ARHGAP19: variants seen among roughly 807,000 people sequenced by gnomAD.
ARHGAP19 encodes the protein rho GTPase-activating protein 19.
A neutral mutation model predicts 60.9 loss-of-function variants in ARHGAP19; 48 were observed. The observed-to-expected ratio is 0.79, with a 90% CI of 0.62 to 1.00. ARHGAP19 has a LOEUF of 1.00. Ranked by LOEUF, ARHGAP19 falls within the 50% of genes least tolerant of loss-of-function variation. The probability of loss-of-function intolerance (pLI) is 0.00; values close to 1 mark genes in which losing one functional copy is unlikely to be tolerated. For synonymous variants in ARHGAP19, 209 were observed against 215.5 expected (o/e 0.97, Z 0.27); for missense variants, 562 against 597.2 (o/e 0.94, Z 0.61).
intron 8 of ARHGAP19, among the ~76,000 whole-genome samples, chr10:97,241,732 G>A (rs879848306): frequency 1.3e-4 from 19 of 149,306 alleles, no homozygotes; most frequent in Middle Eastern, 4.0e-3. Flanking sequence ...AAAATAGGCC[G>A]GGTGCAGTGG....
At chr10:97,271,648 C>G (rs1397177455) in intron 1 of ARHGAP19, among the ~76,000 whole-genome samples, 1 of 151,962 alleles carries the variant, frequency 6.6e-6, no homozygotes, top group Non-Finnish European at 1.5e-5. Context: ...AAATCAAATT[C>G]AGGTGGTATA....
In ARHGAP19 at chr10:97,288,294, C is replaced by A. The variant is rs542225121; in HGVS notation, c.56+4278G>T. 4.0e-5 allele frequency among the ~76,000 whole-genome samples: 6 copies of A among 151,868 alleles called. No individual in the cohort carries two copies. In the South Asian group the frequency reaches 1.2e-3, roughly 32 times the overall value. The stretch of plus-strand genomic sequence containing the variant: ...TCAACAGAACGTTAGAAAGATTAAT[C>A]CCTGCAGCCGGGAGTGGTGGCTCAC... On this transcript the variant is annotated intron_variant, in intron 1 of 11. Coordinates refer to ENST00000358531, the MANE Select transcript of ARHGAP19 (RefSeq NM_032900.6).
chr10:97,245,214 C>T (rs1842546117), intron 7 of ARHGAP19, among the ~76,000 whole-genome samples: 1 of 151,904 alleles, frequency 6.6e-6, no homozygotes. Flanking sequence ...GCCATGTTGC[C>T]CAAGCTGGTC....
intron 6 of ARHGAP19, among the ~76,000 whole-genome samples, chr10:97,249,082 C>A (rs1249659423): frequency 6.6e-6 from 1 of 151,980 alleles, no homozygotes; most frequent in Non-Finnish European, 1.5e-5. Flanking sequence ...AAATAAAAAT[C>A]CATGAGTTTA....
At chr10:97,232,691 A>AT in intron 9 of ARHGAP19, among the ~76,000 whole-genome samples, 1 of 152,278 alleles carries the variant, frequency 6.6e-6, no homozygotes, top group East Asian at 1.9e-4. Flanking sequence ...AATTCTAGAT[A>AT]TCTATAAATT....
intron 8 of ARHGAP19, among the ~76,000 whole-genome samples, chr10:97,243,610 AC>A (rs1842520560): frequency 6.6e-6 from 1 of 152,220 alleles, no homozygotes; most frequent in South Asian, 2.1e-4. Flanking sequence ...TGTTACTATT[AC>A]CATTTTACAA....
intron 10 of ARHGAP19, 91 bp from the exon 11 acceptor site, chr10:97,229,316 C>T: frequency 4.5e-6 from 5 of 1,101,076 alleles, no homozygotes; most frequent in Non-Finnish European, 6.9e-6. Context: ...TGTTCAATTT[C>T]AATGTGAAGA....
chr10:97,247,320 G>A (rs2134846818), intron 6 of ARHGAP19, among the ~76,000 whole-genome samples: 1 of 152,028 alleles, frequency 6.6e-6, no homozygotes, highest in East Asian at 1.9e-4. Flanking sequence ...AAAAAAGAAA[G>A]AAAGAAATAC....
chr10:97,289,218 G>A (rs766595539), intron 1 of ARHGAP19, among the ~76,000 whole-genome samples: 3 of 151,396 alleles, frequency 2.0e-5, no homozygotes, highest in Non-Finnish European at 4.4e-5. Flanking sequence ...AGGTTCAAGC[G>A]ATTCTCCTGT....
chr10:97,289,337 A>C (rs185290065), intron 1 of ARHGAP19, among the ~76,000 whole-genome samples: 1 of 151,804 alleles, frequency 6.6e-6, no homozygotes, highest in Admixed American at 6.6e-5. Flanking sequence ...GCTGATCTGG[A>C]ACTCCTGAGC....
chr10:97,272,961 C>T (rs1842978746), intron 1 of ARHGAP19, among the ~76,000 whole-genome samples: 4 of 151,846 alleles, frequency 2.6e-5, no homozygotes, highest in African/African-American at 9.7e-5. Flanking sequence ...CTGCCTCAGC[C>T]TCCCGAGTAG....
chr10:97,272,842 G>GTTT (rs1273537428), intron 1 of ARHGAP19, among the ~76,000 whole-genome samples: 3 of 125,600 alleles, frequency 2.4e-5, no homozygotes, highest in Non-Finnish European at 3.5e-5. Context: ...TATGTTTGTT[G>GTTT]TTTTTTTTTT....
chr10:97,266,189 T>C (rs1842897622), intron 1 of ARHGAP19, 64 bp from the exon 2 acceptor site: 2 of 1,575,278 alleles, frequency 1.3e-6, no homozygotes, highest in Non-Finnish European at 1.7e-6. Flanking sequence ...GCACTACTCA[T>C]TGGGTTATTT....
At chr10:97,267,770 T>C (rs1043758743) in intron 1 of ARHGAP19, among the ~76,000 whole-genome samples, 1 of 152,220 alleles carries the variant, frequency 6.6e-6, no homozygotes, top group African/African-American at 2.4e-5. Flanking sequence ...CTTTTAGCCA[T>C]AGCTGGGACC....
intron 9 of ARHGAP19, among the ~76,000 whole-genome samples, chr10:97,234,963 T>C (rs979226720): frequency 1.3e-5 from 2 of 152,182 alleles, no homozygotes; most frequent in African/African-American, 4.8e-5. Context: ...ACTCTGTCCT[T>C]AGCCCCTTAG....
intron 8 of ARHGAP19, among the ~76,000 whole-genome samples, chr10:97,238,386 A>G (rs1418052772): frequency 2.0e-5 from 3 of 152,016 alleles, no homozygotes; most frequent in African/African-American, 7.2e-5. Flanking sequence ...AGACCAGTTA[A>G]TTTTTTTAAA....
rs113876683 is a variant in ARHGAP19 at position 97,245,260 on chromosome 10, G to C, written c.993+1012C>G. ...GATCTCAAGTGATCCGCCTACCTTGGCCTCTGAAAGTGCTAGGATTACAGG... is the reference window on the plus strand; with the variant it reads ...GATCTCAAGTGATCCGCCTACCTTGCCCTCTGAAAGTGCTAGGATTACAGG... On this transcript the variant is annotated intron_variant, in intron 7 of 11. Transcript: ENST00000358531. Among the ~76,000 whole-genome samples the C allele has an allele frequency of 2.5e-3, 379 of 152,124 alleles. 2 individuals carry two copies. The highest frequency in any genetic ancestry group is 8.9e-3 in the African/African-American group (369 of 41,530).
intron 1 of ARHGAP19, among the ~76,000 whole-genome samples, chr10:97,274,592 G>A (rs12355526): frequency 0.04 from 6,073 of 152,222 alleles, 202 homozygotes; most frequent in Non-Finnish European, 0.061. Context: ...TGGGTAATGG[G>A]AAGAATACTG....
chr10:97,241,149 C>T (rs1564714142), intron 8 of ARHGAP19, among the ~76,000 whole-genome samples: 1 of 151,274 alleles, frequency 6.6e-6, no homozygotes, highest in Admixed American at 6.6e-5. Context: ...GGTGAAACCC[C>T]ATCTCTACTA....
Sources: allele counts gnomAD v4.1 joint callset (sites outside exome capture counted in the v4.1 genomes callset), GRCh38; gene constraint gnomAD v4.1.1; transcripts MANE v1.5; gene names NCBI Gene and HGNC (gene_info 2026-07-23, HGNC 2026-07-21).